ARHGAP32: variants seen among roughly 807,000 people sequenced by gnomAD.
The protein encoded by ARHGAP32 is rho GTPase-activating protein 32.
Under a neutral mutation model 186.5 loss-of-function variants are expected in ARHGAP32, and 51 were observed. The observed-to-expected ratio is 0.27, with a 90% CI of 0.22 to 0.35. ARHGAP32 has a LOEUF of 0.35. ARHGAP32 is among the 10% of genes least tolerant of loss of function. The pLI, the probability that ARHGAP32 is intolerant of heterozygous loss-of-function variation, is 1.00. For missense variants in ARHGAP32, 2,186 were observed against 2,623.5 expected (o/e 0.83, Z 3.64); for synonymous variants, 950 against 964.3 (o/e 0.99, Z 0.27).
chr11:129,023,488 A>G (rs1312620575), intron 11 of ARHGAP32, among the ~76,000 whole-genome samples: 3 of 152,176 alleles, frequency 2.0e-5, no homozygotes, highest in Non-Finnish European at 4.4e-5. Flanking sequence ...AAGATGATAT[A>G]AGCTGGCTGC....
At chr11:128,973,458 G>A (rs74711493) in intron 21 of ARHGAP32, 26 bp from the exon 22 acceptor site, 3 of 1,607,816 alleles carry the variant, frequency 1.9e-6, no homozygotes, top group Non-Finnish European at 1.7e-6. Context: ...GAAAAAAAAT[G>A]AGAGTGAAAA....
chr11:129,064,544 A>T (rs1440465784), intron 8 of ARHGAP32, among the ~76,000 whole-genome samples: 1 of 152,160 alleles, frequency 6.6e-6, no homozygotes, highest in East Asian at 1.9e-4. Context: ...TCAATTACTA[A>T]GTCAACTAAA....
At chr11:129,206,913 C>T (rs1338246098) in intron 1 of ARHGAP32, among the ~76,000 whole-genome samples, 2 of 151,964 alleles carry the variant, frequency 1.3e-5, no homozygotes, top group Non-Finnish European at 2.9e-5. Flanking sequence ...TAGCCCCTCA[C>T]CCCCCAACAG....
At chr11:129,195,591 T>C (rs373282179), upstream of ARHGAP32, among the ~76,000 whole-genome samples, 8 of 152,278 alleles carry the variant, frequency 5.3e-5, no homozygotes, top group East Asian at 1.4e-3. Flanking sequence ...GGTTTCACCA[T>C]GTTGGCCAGG....
intron 1 of ARHGAP32, among the ~76,000 whole-genome samples, chr11:129,217,864 A>G (rs538733120): frequency 6.6e-6 from 1 of 152,284 alleles, no homozygotes; most frequent in Non-Finnish European, 1.5e-5. Flanking sequence ...CTAAGTTCAA[A>G]TCCCAAACGT....
At chr11:129,195,551 C>G (rs561756451), upstream of ARHGAP32, among the ~76,000 whole-genome samples, 1 of 151,504 alleles carries the variant, frequency 6.6e-6, no homozygotes, top group East Asian at 2.0e-4. Flanking sequence ...CCACCACACC[C>G]GCCTAATTTT....
chr11:129,193,667 T>TATATATA (rs1221470085), upstream of ARHGAP32, among the ~76,000 whole-genome samples: 84 of 47,218 alleles, frequency 1.8e-3, 2 homozygotes, highest in Admixed American at 4.7e-3. Flanking sequence ...CAATATATAT[T>TATATATA]ATATATAATA....
At position 129,073,409 on chromosome 11, in the gene ARHGAP32, TA is replaced by T. The variant is rs146465047; in HGVS notation, c.532-6542del. Reference sequence around the variant, plus strand: ...GAGAATTGGAAATTATAACAAAGAATAAAAAAATGCTAGAGATCAAAAGCAG... The same window carrying T: ...GAGAATTGGAAATTATAACAAAGAATAAAAAATGCTAGAGATCAAAAGCAG... On this transcript the variant is annotated intron_variant, in intron 6 of 22. Transcript: ENST00000682385. Among the ~76,000 whole-genome samples, 1,081 of 151,814 alleles carry T rather than the reference TA, an allele frequency of 7.1e-3. 3 individuals carry two copies. Among genetic ancestry groups the T allele is most frequent in the Non-Finnish European group, 0.011 (728 of 67,882 alleles).
rs1438303144 is a variant in ARHGAP32 at position 129,103,913 on chromosome 11, T to C, written c.445-10206A>G. On this transcript the variant is annotated intron_variant, in intron 5 of 22. Transcript: ENST00000682385. Reference sequence around the variant, plus strand: ...ACAAGTTCTTCAGGCTAAAGAGAAATGGTACTAGACAAAAACCCAGAACTG... The same window carrying C: ...ACAAGTTCTTCAGGCTAAAGAGAAACGGTACTAGACAAAAACCCAGAACTG... 3.3e-5 allele frequency among the ~76,000 whole-genome samples: 5 copies of C among 151,898 alleles called. No individual in the cohort carries two copies. In the East Asian group the frequency reaches 9.6e-4, roughly 29 times the overall value.
intron 1 of ARHGAP32, among the ~76,000 whole-genome samples, chr11:129,224,893 T>C (rs1333473826): frequency 6.6e-6 from 1 of 151,806 alleles, no homozygotes; most frequent in African/African-American, 2.4e-5. Flanking sequence ...AGGAGAATCA[T>C]TTAAGGTCAG....
chr11:129,252,468 T>C (rs1945198099), intron 1 of ARHGAP32, among the ~76,000 whole-genome samples: 1 of 152,176 alleles, frequency 6.6e-6, no homozygotes, highest in Non-Finnish European at 1.5e-5. Context: ...GGGCAAAATA[T>C]TGATCACCAT....
intron 1 of ARHGAP32, among the ~76,000 whole-genome samples, chr11:129,209,840 A>G (rs1390492612): frequency 6.6e-6 from 1 of 152,226 alleles, no homozygotes; most frequent in African/African-American, 2.4e-5. Flanking sequence ...GATACCACTT[A>G]AAAGCTGAAA....
At chr11:129,254,127 G>A (rs1428945315) in intron 1 of ARHGAP32, among the ~76,000 whole-genome samples, 1 of 151,970 alleles carries the variant, frequency 6.6e-6, no homozygotes. Context: ...TGACAAGCAT[G>A]ACCCCTACGC....
chr11:129,079,338 C>T (rs1941151184), intron 6 of ARHGAP32, among the ~76,000 whole-genome samples: 1 of 152,090 alleles, frequency 6.6e-6, no homozygotes, highest in Non-Finnish European at 1.5e-5. Context: ...ACCATAAGAG[C>T]TGTGAGGCAA....
At chr11:129,075,835 A>C (rs1469529336) in intron 6 of ARHGAP32, among the ~76,000 whole-genome samples, 1 of 152,194 alleles carries the variant, frequency 6.6e-6, no homozygotes, top group African/African-American at 2.4e-5. Context: ...TGTTTGAACC[A>C]GAAGGACTCC....
At chr11:129,125,012 G>A in intron 2 of ARHGAP32, 118 bp from the exon 3 acceptor site, 4 of 561,502 alleles carry the variant, frequency 7.1e-6, no homozygotes, top group South Asian at 3.5e-5. Context: ...AATATATCTT[G>A]GTTTAATAAT....
chr11:129,220,329 G>A (rs1393461906), intron 1 of ARHGAP32, among the ~76,000 whole-genome samples: 1 of 152,148 alleles, frequency 6.6e-6, no homozygotes, highest in Non-Finnish European at 1.5e-5. Context: ...ATACGGCACA[G>A]AACTAAGAAT....
intron 9 of ARHGAP32, 112 bp from the exon 10 acceptor site, chr11:129,062,469 T>C (rs949123474): frequency 2.7e-6 from 2 of 735,374 alleles, no homozygotes; most frequent in South Asian, 2.3e-5. Flanking sequence ...ATTCATGCTC[T>C]GGCCAGTAAT....
At chr11:129,212,368 C>T (rs1052719131) in intron 1 of ARHGAP32, among the ~76,000 whole-genome samples, 2 of 152,036 alleles carry the variant, frequency 1.3e-5, no homozygotes, top group African/African-American at 4.8e-5. Context: ...CTGTGGGAAA[C>T]AAGCAAAAAT....
Sources: allele counts gnomAD v4.1 joint callset (sites outside exome capture counted in the v4.1 genomes callset), GRCh38; gene constraint gnomAD v4.1.1; transcripts MANE v1.5; gene names NCBI Gene and HGNC (gene_info 2026-07-23, HGNC 2026-07-21).